CELF4: variants seen among roughly 807,000 people sequenced by gnomAD.
CELF4 encodes the protein CUG-BP- and ETR-3-like factor 4.
A neutral mutation model predicts 59.9 loss-of-function variants in CELF4; 18 were observed. That is an observed-to-expected ratio of 0.30 (90% CI 0.21 to 0.45). The LOEUF (loss-of-function observed/expected upper bound fraction) is 0.45, where lower values mean the gene tolerates loss of function less well. Ranked by LOEUF, CELF4 falls within the 20% of genes least tolerant of loss-of-function variation. The pLI, the probability that CELF4 is intolerant of heterozygous loss-of-function variation, is 1.00. For synonymous variants in CELF4, 261 were observed against 267.1 expected (o/e 0.98, Z 0.22); for missense variants, 456 against 689.0 (o/e 0.66, Z 3.79).
intron 2 of CELF4, among the ~76,000 whole-genome samples, chr18:37,335,865 C>T (rs1341451287): frequency 6.6e-6 from 1 of 152,176 alleles, no homozygotes; most frequent in Non-Finnish European, 1.5e-5. Flanking sequence ...GGTCATTCTC[C>T]CTGGCATGGC....
chr18:37,281,898 C>T (rs184224117), intron 3 of CELF4, among the ~76,000 whole-genome samples: 1 of 152,266 alleles, frequency 6.6e-6, no homozygotes, highest in East Asian at 1.9e-4. Context: ...CCCTCTCTAA[C>T]TTTACCTGTG....
At chr18:37,524,292 G>A (rs545708709) in intron 1 of CELF4, among the ~76,000 whole-genome samples, 52 of 152,326 alleles carry the variant, frequency 3.4e-4, no homozygotes, top group African/African-American at 1.2e-3. Context: ...TGGCGGGTGG[G>A]TGGTAGGATG....
At chr18:37,564,875 G>A (rs1472948977) in intron 1 of CELF4, among the ~76,000 whole-genome samples, 1 of 152,008 alleles carries the variant, frequency 6.6e-6, no homozygotes, top group African/African-American at 2.4e-5. Flanking sequence ...CTTTTAGACG[G>A]CTGCGCTCCT....
chr18:37,323,435 A>G (rs2097193131), intron 2 of CELF4, among the ~76,000 whole-genome samples: 1 of 152,186 alleles, frequency 6.6e-6, no homozygotes. Flanking sequence ...GGAGGAACGT[A>G]ATGAAGTTCC....
At chr18:37,356,887 C>T (rs2098597393) in intron 2 of CELF4, among the ~76,000 whole-genome samples, 1 of 152,100 alleles carries the variant, frequency 6.6e-6, no homozygotes, top group South Asian at 2.1e-4. Flanking sequence ...GTGTCCATGC[C>T]CCACACTTCT....
chr18:37,442,088 C>A (rs2099730194), intron 2 of CELF4, among the ~76,000 whole-genome samples: 1 of 152,182 alleles, frequency 6.6e-6, no homozygotes, highest in Admixed American at 6.5e-5. Context: ...CTCCTGCTGG[C>A]ACAAAGCTGG....
chr18:37,455,202 G>A (rs142293965), intron 2 of CELF4, among the ~76,000 whole-genome samples: 158 of 152,294 alleles, frequency 1.0e-3, no homozygotes, highest in African/African-American at 3.4e-3. Context: ...TGGGAGGAGC[G>A]GATGGGAAGT....
chr18:37,544,044 C>T (rs535305340), intron 1 of CELF4, among the ~76,000 whole-genome samples: 11 of 152,056 alleles, frequency 7.2e-5, no homozygotes, highest in Non-Finnish European at 1.3e-4. Flanking sequence ...GGGGGAATAG[C>T]CTGAGCAGAG....
chr18:37,450,873 C>T (rs1174397636), intron 2 of CELF4, among the ~76,000 whole-genome samples: 1 of 152,196 alleles, frequency 6.6e-6, no homozygotes, highest in African/African-American at 2.4e-5. Flanking sequence ...TAGCCTTGGC[C>T]TGGTTTTTCA....
At chr18:37,348,287 C>A (rs533687295) in intron 2 of CELF4, among the ~76,000 whole-genome samples, 1 of 152,300 alleles carries the variant, frequency 6.6e-6, no homozygotes, top group South Asian at 2.1e-4. Context: ...AGGAGCTACA[C>A]GCACACACTA....
chr18:37,320,576 T>C (rs1335357257), intron 3 of CELF4, among the ~76,000 whole-genome samples: 1 of 152,126 alleles, frequency 6.6e-6, no homozygotes, highest in African/African-American at 2.4e-5. Flanking sequence ...CTGTGGGAAC[T>C]TGGGCTGGGG....
At chr18:37,470,020 T>G (rs2099817305) in intron 2 of CELF4, among the ~76,000 whole-genome samples, 1 of 152,210 alleles carries the variant, frequency 6.6e-6, no homozygotes, top group Non-Finnish European at 1.5e-5. Context: ...AAAGGCTTTC[T>G]GCAAGAACTA....
chr18:37,462,796 T>G (rs1054290565), intron 2 of CELF4, among the ~76,000 whole-genome samples: 10 of 152,142 alleles, frequency 6.6e-5, no homozygotes, highest in African/African-American at 1.7e-4. Flanking sequence ...TTATGAGGTT[T>G]TTTTTTTTTG....
Position 37,259,247 on chromosome 18 carries a change from G to C in CELF4, c.1267C>G (p.Leu423Val). ...QQREGPEGCN[L>V]FIYHLPQEFG... is the part of the protein sequence containing the mutation. ...TCCTGGGGCAGATGGTAGATGAACA[G>C]GTTACAGCCCTCGGGCCCTGCGGTG... Residue 423 changes from leucine (L) to valine (V), a missense_variant, in exon 11 of 13, where the codon CTG becomes GTG. Leu to Val is a conservative substitution (Grantham distance 32, BLOSUM62 1). Around this residue, in one of 7 missense-constraint regions of CELF4, gnomAD observed 256 missense variants for 340.8 expected, o/e 0.75. Transcript: ENST00000420428. 7.0e-7 allele frequency: 1 copy of C among 1,425,002 alleles called. No individual in the cohort carries two copies. Among genetic ancestry groups the C allele is most frequent in the Non-Finnish European group, 9.4e-7 (1 of 1,059,400 alleles). The allele number at this position is 1,425,002 out of a possible 1,614,324, so 88.3% of individuals were successfully genotyped here.
chr18:37,501,195 G>T (rs2099931455), intron 1 of CELF4, among the ~76,000 whole-genome samples: 2 of 152,244 alleles, frequency 1.3e-5, no homozygotes, highest in Non-Finnish European at 2.9e-5. Context: ...TTTGGAAGCT[G>T]CACGTTAGCT....
intron 1 of CELF4, among the ~76,000 whole-genome samples, chr18:37,527,542 T>TG (rs925136956): frequency 1.8e-4 from 27 of 152,288 alleles, no homozygotes; most frequent in Admixed American, 1.7e-3. Context: ...GTGAAGCTGC[T>TG]GGGACAAGAG....
At chr18:37,258,143 C>T (rs77510701) in intron 11 of CELF4, among the ~76,000 whole-genome samples, 11 of 152,144 alleles carry the variant, frequency 7.2e-5, no homozygotes, top group African/African-American at 2.7e-4. Context: ...TGGATGCTTT[C>T]GAGTTTTCCC....
At chr18:37,439,681 C>G (rs1029062144) in intron 2 of CELF4, among the ~76,000 whole-genome samples, 2 of 152,098 alleles carry the variant, frequency 1.3e-5, no homozygotes, top group Non-Finnish European at 2.9e-5. Flanking sequence ...GCTCTCCTGT[C>G]CCCCCATATC....
chr18:37,522,632 T>G (rs551607339), intron 1 of CELF4, among the ~76,000 whole-genome samples: 1 of 152,048 alleles, frequency 6.6e-6, no homozygotes, highest in African/African-American at 2.4e-5. Context: ...GAGGAAACAA[T>G]GAGGGGAATT....
Sources: gnomAD v4.1 joint callset for allele counts (sites outside exome capture counted in the v4.1 genomes callset) on GRCh38, gnomAD v4.1.1 for gene constraint, gnomAD v4.1.1 regional missense constraint, MANE v1.5 for transcripts, NCBI Gene and HGNC (gene_info 2026-07-23, HGNC 2026-07-21) for gene names.